The following ABL1 variants were observed in gnomAD, a reference collection of about 807,000 sequenced individuals.
ABL1 encodes ABL proto-oncogene 1, non-receptor tyrosine kinase.
A neutral mutation model predicts 94.7 loss-of-function variants in ABL1; 11 were observed. The observed-to-expected ratio is 0.12, with a 90% CI of 0.07 to 0.19. The LOEUF (loss-of-function observed/expected upper bound fraction) is 0.19, where lower values mean the gene tolerates loss of function less well. ABL1 is among the 10% of genes least tolerant of loss of function. ABL1 has a pLI of 1.00. For synonymous variants in ABL1, 656 were observed against 622.4 expected, an observed-to-expected ratio of 1.05 and a Z score of -0.80; for missense variants, 1,082 against 1,489.4, an observed-to-expected ratio of 0.73 and a Z score of 4.50.
At chr9:130,843,688 G>T (rs1396552925) in intron 1 of ABL1, among the ~76,000 whole-genome samples, 3 of 152,068 alleles carry the variant, frequency 2.0e-5, no homozygotes, top group Non-Finnish European at 2.9e-5. Context: ...GTTAGAGAAG[G>T]TTTATGGGAG....
intron 1 of ABL1, among the ~76,000 whole-genome samples, chr9:130,812,926 T>A (rs1021718487): frequency 1.3e-5 from 2 of 152,224 alleles, no homozygotes; most frequent in Non-Finnish European, 2.9e-5. Context: ...TTTAAAAGCC[T>A]CAGTAGACCC....
At chr9:130,819,602 G>C (rs1830333457) in intron 1 of ABL1, among the ~76,000 whole-genome samples, 1 of 134,100 alleles carries the variant, frequency 7.5e-6, no homozygotes, top group South Asian at 2.5e-4. Flanking sequence ...GCAGTGGCAC[G>C]ATCTGAGCTC....
intron 1 of ABL1, among the ~76,000 whole-genome samples, chr9:130,733,567 G>A (rs892533038): frequency 4.2e-5 from 6 of 142,600 alleles, no homozygotes; most frequent in Non-Finnish European, 6.0e-5. Flanking sequence ...GCGCCTGGCT[G>A]TAAAGCACTT....
rs530863383 is a variant in ABL1, at chr9:130,798,295, A to C, written c.137-55769A>C. Reference sequence around the variant, plus strand: ...CATGAAAGTGAAGGCTCTGCTTCTCAGAGTACAGTTTAATTTACTTTGTGG... The same window carrying C: ...CATGAAAGTGAAGGCTCTGCTTCTCCGAGTACAGTTTAATTTACTTTGTGG... On this transcript the variant is annotated intron_variant, in intron 1 of 10. Coordinates refer to the ABL1 transcript ENST00000372348. Among the ~76,000 whole-genome samples the C allele has an allele frequency of 6.1e-4, 93 of 152,324 alleles. 1 individual carries two copies. The highest frequency in any genetic ancestry group is 2.1e-3 in the African/African-American group (89 of 41,578).
intron 1 of ABL1, among the ~76,000 whole-genome samples, chr9:130,845,343 C>A (rs1588264132): frequency 6.6e-6 from 1 of 151,812 alleles, no homozygotes; most frequent in Non-Finnish European, 1.5e-5. Context: ...AAATCTTAAC[C>A]TTTCTTTTTT....
At chr9:130,874,514 C>G (rs1180185719) in intron 6 of ABL1, among the ~76,000 whole-genome samples, 3 of 152,212 alleles carry the variant, frequency 2.0e-5, no homozygotes, top group Non-Finnish European at 4.4e-5. Context: ...ACACTTCAAT[C>G]AAAGCACTTA....
upstream of ABL1, among the ~76,000 whole-genome samples, chr9:130,833,066 CAA>C (rs35650699): frequency 0.083 from 12,683 of 151,896 alleles, 668 homozygotes; most frequent in Admixed American, 0.14. Flanking sequence ...ATTTTAGACT[CAA>C]GAGCAGAATA....
At chr9:130,765,972 G>A (rs1832177851) in intron 1 of ABL1, among the ~76,000 whole-genome samples, 1 of 152,250 alleles carries the variant, frequency 6.6e-6, no homozygotes, top group Non-Finnish European at 1.5e-5. Context: ...TCATATTTGA[G>A]TGCTTCCCTG....
At chr9:130,760,265 C>G (rs11244131) in intron 1 of ABL1, among the ~76,000 whole-genome samples, 40,304 of 152,000 alleles carry the variant, frequency 0.27, 7,606 homozygotes, top group East Asian at 0.52. Flanking sequence ...CAGTAGCTCC[C>G]TCCTTAACAT....
At chr9:130,755,115 T>C (rs1832026347) in intron 1 of ABL1, among the ~76,000 whole-genome samples, 1 of 152,208 alleles carries the variant, frequency 6.6e-6, no homozygotes, top group Non-Finnish European at 1.5e-5. Context: ...TGGCACATGG[T>C]AGATCTTCAA....
At chr9:130,845,495 C>T (rs1303006236) in intron 1 of ABL1, among the ~76,000 whole-genome samples, 1 of 152,068 alleles carries the variant, frequency 6.6e-6, no homozygotes, top group African/African-American at 2.4e-5. Context: ...ATGTGCACCA[C>T]CACGCCCAGC....
rs149175910 is a variant in ABL1, at chr9:130,742,846, A to G, written c.136+28391A>G. ...TAAGATACTTTATATTATATAATAT[A>G]TACTGTATAATACCGTATATTATAA... On this transcript the variant is annotated intron_variant, in intron 1 of 10. Transcript: ENST00000372348. Among the ~76,000 whole-genome samples, 1,227 of 152,094 alleles carry G rather than the reference A, an allele frequency of 8.1e-3. 15 individuals are homozygous for G. Among genetic ancestry groups the G allele is most frequent in the African/African-American group, 0.028 (1,142 of 41,500 alleles).
intron 7 of ABL1, among the ~76,000 whole-genome samples, chr9:130,876,927 C>T (rs1180278534): frequency 3.4e-5 from 5 of 146,186 alleles, no homozygotes; most frequent in Non-Finnish European, 6.0e-5. Flanking sequence ...TTTGTAGAGA[C>T]GGGGTTTCAC....
chr9:130,884,709 G>C lies in ABL1; in HGVS notation c.2419G>C (p.Gly807Arg), dbSNP rs376258688. The part of the protein sequence containing the change: ...VFKDIMESSP[G>R]SSPPNLTPKP... Reference sequence around the variant, plus strand: ...CAAAGACATCATGGAGTCCAGCCCGGGCTCCAGCCCGCCCAACCTGACTCC... The same window carrying C: ...CAAAGACATCATGGAGTCCAGCCCGCGCTCCAGCCCGCCCAACCTGACTCC... The change falls in exon 11 of 11, where the codon GGC becomes CGC. Residue 807 changes from glycine to arginine, a missense_variant. Around this residue, in one of 7 missense-constraint regions of ABL1, gnomAD observed 780 missense variants for 835.8 expected, o/e 0.93. Coordinates refer to ENST00000318560, the MANE Select transcript of ABL1 (RefSeq NM_005157.6). The surrounding 1 kb of genome is among the most constrained non-coding windows in gnomAD (Gnocchi z 5.6). The C allele has an allele frequency of 1.2e-6, 2 of 1,612,466 alleles. No individual in the cohort carries two copies. The highest frequency in any genetic ancestry group is 1.7e-6 in the Non-Finnish European group (2 of 1,179,904).
chr9:130,779,590 G>A (rs1462281861), intron 1 of ABL1, among the ~76,000 whole-genome samples: 1 of 152,120 alleles, frequency 6.6e-6, no homozygotes, highest in Non-Finnish European at 1.5e-5. Context: ...GCTTGGGGAG[G>A]GGGAGGTTAT....
In ABL1 at chr9:130,835,482, A is replaced by G. The variant is rs1282120253; in HGVS notation, c.36A>G (p.Lys12=). The G allele has an allele frequency of 6.4e-7, 1 of 1,564,614 alleles. No individual in the cohort carries two copies. Among genetic ancestry groups the G allele is most frequent in the South Asian group, 1.2e-5 (1 of 85,042 alleles). The change falls in exon 1 of 11, where the codon AAA becomes AAG. Residue 12 remains lysine (K), a synonymous_variant. Transcript: ENST00000318560. This position sits in a 1 kb window ranked among gnomAD's most constrained non-coding sequence, Gnocchi z 4.6. ...TCTGCCTGAAGCTGGTGGGCTGCAAATCCAAGAAGGGGCTGTCCTCGTCCT... is the reference window on the plus strand; with the variant it reads ...TCTGCCTGAAGCTGGTGGGCTGCAAGTCCAAGAAGGGGCTGTCCTCGTCCT... ...LEICLKLVGC[K]SKKGLSSSSS...
intron 1 of ABL1, among the ~76,000 whole-genome samples, chr9:130,756,134 G>T (rs1832038736): frequency 6.6e-6 from 1 of 152,144 alleles, no homozygotes; most frequent in East Asian, 1.9e-4. Context: ...GTTTTTAAAT[G>T]AAAAGATCAA....
exon 1 of ABL1, chr9:130,713,833 A>C (rs953099978): frequency 6.8e-5 from 15 of 221,498 alleles, no homozygotes; most frequent in African/African-American, 2.9e-4. Context: ...GAGAGCGGCC[A>C]CTAGTTCGGC....
intron 6 of ABL1, among the ~76,000 whole-genome samples, chr9:130,873,440 C>A (rs537892682): frequency 1.3e-5 from 2 of 152,234 alleles, no homozygotes; most frequent in South Asian, 4.1e-4. Flanking sequence ...TCCTGGGAGC[C>A]GCTGGCATTG....
Sources: allele counts gnomAD v4.1 joint callset (sites outside exome capture counted in the v4.1 genomes callset), GRCh38; gene constraint gnomAD v4.1.1; regional missense constraint gnomAD v4.1.1; non-coding constraint Gnocchi (gnomAD v3.1); transcripts MANE v1.5; gene names NCBI Gene and HGNC (gene_info 2026-07-23, HGNC 2026-07-21).